Variants in FREM2 observed in about 807,000 individuals in gnomAD.
The protein encoded by FREM2 is FRAS1 related extracellular matrix 2, also known as FRAS1-related extracellular matrix protein 2.
Under a neutral mutation model 219.9 loss-of-function variants are expected in FREM2, and 119 were observed. The observed-to-expected ratio is 0.54, with a 90% confidence interval of 0.47 to 0.63. FREM2 has a LOEUF of 0.63. FREM2 is among the 30% of genes least tolerant of loss of function. FREM2 has a pLI of 0.00. For missense variants in FREM2, 4,030 were observed against 3,993.6 expected (o/e 1.01, Z -0.25); for synonymous variants, 1,562 against 1,522.8 (o/e 1.03, Z -0.60).
At chr13:38,709,234 T>C (rs930062089) in intron 2 of FREM2, among the ~76,000 whole-genome samples, 5 of 152,184 alleles carry the variant, frequency 3.3e-5, no homozygotes, top group African/African-American at 1.2e-4. Flanking sequence ...CTGCATGAGA[T>C]TCAGTAGAGA....
chr13:38,696,955 G>A (rs956709422), intron 1 of FREM2, among the ~76,000 whole-genome samples: 2 of 151,794 alleles, frequency 1.3e-5, no homozygotes, highest in African/African-American at 2.4e-5. Context: ...TTACAGGAAC[G>A]CACCACCACA....
rs554948371 is a variant in FREM2 at position 38,702,851 on chromosome 13, G to C, written c.5263+5064G>C. On this transcript the variant is annotated intron_variant, in intron 2 of 23. Coordinates refer to ENST00000280481, the MANE Select transcript of FREM2 (RefSeq NM_207361.6). ...CTGGGGCGGCAGACATAATATCTGT[G>C]TTGGCCATTATAGTGTTATCTGGGC... is the stretch of plus-strand genomic sequence containing the variant. 3.3e-5 allele frequency among the ~76,000 whole-genome samples: 5 copies of C among 152,170 alleles called. No homozygotes were observed. In the South Asian group the frequency reaches 8.3e-4, roughly 25 times the overall value.
At position 38,861,487 on chromosome 13, in the gene FREM2, T is replaced by C. The variant is rs1395373305; in HGVS notation, c.7576T>C (p.Leu2526=). 6.2e-7 allele frequency: 1 copy of C among 1,600,108 alleles called. No homozygotes were observed. Among genetic ancestry groups the C allele is most frequent in the South Asian group, 1.1e-5 (1 of 90,772 alleles). ...VVGAEPFSAK[L]RYTGPEDADY... is the part of the protein sequence containing the mutation. The stretch of plus-strand genomic sequence containing the variant: ...TGGAGCAGAGCCGTTCTCAGCTAAA[T>C]TGCGCTACACAGGCCCTGAGGATGC... Residue 2526 remains leucine (L), a synonymous_variant, in exon 15 of 24, where the codon TTG becomes CTG. Coordinates refer to ENST00000280481, the MANE Select transcript of FREM2 (RefSeq NM_207361.6).
At chr13:38,826,181 A>G (rs1244514555) in intron 6 of FREM2, among the ~76,000 whole-genome samples, 1 of 152,152 alleles carries the variant, frequency 6.6e-6, no homozygotes, top group Admixed American at 6.6e-5. Context: ...GCCAACTAGT[A>G]TCATATCAAC....
intron 5 of FREM2, among the ~76,000 whole-genome samples, chr13:38,784,323 A>G (rs1874238785): frequency 6.6e-6 from 1 of 152,242 alleles, no homozygotes; most frequent in South Asian, 2.1e-4. Context: ...GTCCATTGAC[A>G]GGAAAGTCAG....
Position 38,850,079 on chromosome 13 carries a change from G to A in FREM2, c.6421G>A (p.Glu2141Lys), listed in dbSNP as rs376602370. ...CAAAGAACGAATATATACTGGCAGC[G>A]AAAGTGATGGGCAGATAGTTACAAT... ...QFKERIYTGS[E>K]SDGQIVTMIH... The change falls in exon 9 of 24, where the codon GAA becomes AAA. Residue 2141 changes from glutamate to lysine, a missense_variant. Glu to Lys is a moderately conservative substitution (Grantham distance 56). Around this residue, in one of 2 missense-constraint regions of FREM2, gnomAD observed 3,102 missense variants for 2,950.7 expected, o/e 1.05. Transcript: ENST00000280481. 37 of 1,613,892 alleles carry A rather than the reference G, an allele frequency of 2.3e-5. No individual in the cohort carries two copies. The African/African-American group carries it at 3.3e-4, about 15-fold the overall frequency.
chr13:38,691,941 A>G lies in FREM2; in HGVS notation c.4597A>G (p.Lys1533Glu). 6.2e-7 allele frequency: 1 copy of G among 1,614,164 alleles called. No individual in the cohort carries two copies. The highest frequency in any genetic ancestry group is 8.5e-7 in the Non-Finnish European group (1 of 1,180,024). ...CTCCATTAGCGATGTGGACAATAAA[A>G]AGCCAGTGGTCACCATCCACAAGCT... is the stretch of plus-strand genomic sequence containing the variant. ...RISISDVDNK[K>E]PVVTIHKLVV... The change falls in exon 1 of 24, where the codon AAG becomes GAG. Residue 1533 changes from lysine (K) to glutamate (E), a missense_variant. Around this residue, in one of 2 missense-constraint regions of FREM2, gnomAD observed 3,102 missense variants for 2,950.7 expected, o/e 1.05. Transcript: ENST00000280481.
At chr13:38,832,257 C>G (rs1217672691) in intron 6 of FREM2, among the ~76,000 whole-genome samples, 1 of 152,052 alleles carries the variant, frequency 6.6e-6, no homozygotes, top group Non-Finnish European at 1.5e-5. Flanking sequence ...GAGCAAGACT[C>G]TGTCTCAAAA....
At chr13:38,709,318 A>G (rs1339998086) in intron 2 of FREM2, among the ~76,000 whole-genome samples, 1 of 152,134 alleles carries the variant, frequency 6.6e-6, no homozygotes, top group Non-Finnish European at 1.5e-5. Context: ...TCCCATAACA[A>G]CTCATATTTG....
At chr13:38,875,347 A>G (rs1004803954) in intron 18 of FREM2, among the ~76,000 whole-genome samples, 1 of 152,166 alleles carries the variant, frequency 6.6e-6, no homozygotes, top group African/African-American at 2.4e-5. Context: ...CTTGAACTCT[A>G]ACAAAAGAGA....
chr13:38,876,921 C>G (rs1878360109), intron 20 of FREM2, among the ~76,000 whole-genome samples, 196 bp from the exon 21 acceptor site: 1 of 152,184 alleles, frequency 6.6e-6, no homozygotes, highest in Admixed American at 6.5e-5. Flanking sequence ...CAAAAAATGA[C>G]TTGATCCCAC....
chr13:38,804,490 G>A (rs777172512), intron 6 of FREM2, among the ~76,000 whole-genome samples: 4 of 152,034 alleles, frequency 2.6e-5, no homozygotes, highest in Non-Finnish European at 5.9e-5. Flanking sequence ...AATACGGTAT[G>A]TGGGGGGATA....
intron 6 of FREM2, among the ~76,000 whole-genome samples, chr13:38,823,429 G>A (rs938980494): frequency 4.6e-5 from 7 of 151,604 alleles, no homozygotes; most frequent in Non-Finnish European, 1.0e-4. Context: ...CTAGGACAAG[G>A]CTCCCACCAC....
intron 8 of FREM2, 149 bp from the exon 9 acceptor site, chr13:38,849,889 C>T (rs766637916): frequency 4.2e-6 from 3 of 717,538 alleles, no homozygotes; most frequent in South Asian, 1.6e-5. Flanking sequence ...GTGATTTGCT[C>T]AAGGTCAAAA....
intron 4 of FREM2, among the ~76,000 whole-genome samples, chr13:38,771,135 C>T (rs1405490460): frequency 6.6e-6 from 1 of 152,178 alleles, no homozygotes; most frequent in Non-Finnish European, 1.5e-5. Context: ...AACTGGAGCT[C>T]TGACATCATT....
At chr13:38,731,948 C>T (rs567309865) in intron 2 of FREM2, among the ~76,000 whole-genome samples, 2 of 152,232 alleles carry the variant, frequency 1.3e-5, no homozygotes, top group East Asian at 3.9e-4. Flanking sequence ...CATTTGATAC[C>T]TGGTATAAAA....
chr13:38,695,543 T>C (rs11839210), intron 1 of FREM2, among the ~76,000 whole-genome samples: 9,263 of 152,280 alleles, frequency 0.061, 817 homozygotes, highest in African/African-American at 0.19. Context: ...ATGCTGGGCA[T>C]GCTAAACAGT....
At chr13:38,718,922 G>C (rs1337094176) in intron 2 of FREM2, among the ~76,000 whole-genome samples, 1 of 152,124 alleles carries the variant, frequency 6.6e-6, no homozygotes, top group African/African-American at 2.4e-5. Flanking sequence ...ATTTTACTTA[G>C]GAAGAAATTG....
chr13:38,840,719 G>GAT (rs1175269326), intron 6 of FREM2, among the ~76,000 whole-genome samples: 23 of 140,278 alleles, frequency 1.6e-4, no homozygotes, highest in South Asian at 4.5e-4. Flanking sequence ...CACACACACA[G>GAT]ATATATATAT....
Sources: gnomAD v4.1 joint callset for allele counts (sites outside exome capture counted in the v4.1 genomes callset) on GRCh38, gnomAD v4.1.1 for gene constraint, gnomAD v4.1.1 regional missense constraint, MANE v1.5 for transcripts, NCBI Gene and HGNC (gene_info 2026-07-23, HGNC 2026-07-21) for gene names.